The following FHIT variants were observed in gnomAD, a reference collection of about 807,000 sequenced individuals.
FHIT encodes bis(5'-adenosyl)-triphosphatase.
A neutral mutation model predicts 17.9 loss-of-function variants in FHIT; 19 were observed. The observed-to-expected ratio is 1.06, with a 90% confidence interval of 0.74 to 1.56. FHIT has a LOEUF of 1.56. FHIT is among the 40% of genes most tolerant of loss of function. The pLI, the probability that FHIT is intolerant of heterozygous loss-of-function variation, is 0.00. For missense variants in FHIT, 248 were observed against 189.2 expected, an observed-to-expected ratio of 1.31 and a Z score of -1.82; for synonymous variants, 81 against 69.7, an observed-to-expected ratio of 1.16 and a Z score of -0.81.
intron 3 of FHIT, among the ~76,000 whole-genome samples, chr3:60,829,096 T>C (rs1702227024): frequency 6.6e-6 from 1 of 152,184 alleles, no homozygotes; most frequent in African/African-American, 2.4e-5. Context: ...ATCTACTGAA[T>C]AGCTCAATTA....
At chr3:60,448,545 G>C (rs896375347) in intron 5 of FHIT, among the ~76,000 whole-genome samples, 1 of 151,740 alleles carries the variant, frequency 6.6e-6, no homozygotes, top group African/African-American at 2.4e-5. Context: ...TACGGATAAG[G>C]AAAATGAAGC....
intron 5 of FHIT, among the ~76,000 whole-genome samples, chr3:60,215,558 A>C (rs571106818): frequency 4.0e-4 from 61 of 152,090 alleles, no homozygotes; most frequent in Admixed American, 8.5e-4. Flanking sequence ...GTGGTACTCC[A>C]TCTCAAAAAA....
intron 1 of FHIT, among the ~76,000 whole-genome samples, chr3:61,215,648 A>G (rs1324176079): frequency 6.6e-6 from 1 of 152,256 alleles, no homozygotes; most frequent in Non-Finnish European, 1.5e-5. Context: ...AAACTACTTT[A>G]AAGTTCATAT....
At chr3:59,760,273 C>G (rs1367962561) in intron 8 of FHIT, among the ~76,000 whole-genome samples, 1 of 152,016 alleles carries the variant, frequency 6.6e-6, no homozygotes, top group African/African-American at 2.4e-5. Flanking sequence ...AATTTGTAAC[C>G]CCCAAAAGTA....
intron 8 of FHIT, among the ~76,000 whole-genome samples, chr3:59,879,695 A>G (rs1257320587): frequency 2.6e-5 from 4 of 152,224 alleles, no homozygotes; most frequent in African/African-American, 9.6e-5. Flanking sequence ...CACAGTCTGG[A>G]TACAAACATT....
intron 5 of FHIT, among the ~76,000 whole-genome samples, chr3:60,288,456 A>T (rs993915627): frequency 2.0e-5 from 3 of 152,142 alleles, no homozygotes; most frequent in Non-Finnish European, 4.4e-5. Flanking sequence ...CTACCTCACA[A>T]TGTTGGTGGA....
intron 7 of FHIT, among the ~76,000 whole-genome samples, chr3:59,958,730 C>T (rs1009978611): frequency 6.6e-6 from 1 of 152,152 alleles, no homozygotes; most frequent in African/African-American, 2.4e-5. Context: ...TACTCTGAAA[C>T]AGATGTCACT....
intron 2 of FHIT, among the ~76,000 whole-genome samples, chr3:61,167,631 A>C (rs1180121357): frequency 1.7e-5 from 1 of 59,668 alleles, no homozygotes; most frequent in Non-Finnish European, 3.6e-5. Flanking sequence ...TGTGTCTCAA[A>C]AAAAAAAAAA....
chr3:60,653,348 G>A (rs1259851247), intron 4 of FHIT, among the ~76,000 whole-genome samples: 4 of 152,026 alleles, frequency 2.6e-5, no homozygotes, highest in African/African-American at 2.4e-5. Flanking sequence ...TTATAAATGC[G>A]TAAGTAAAAA....
At chr3:61,169,270 G>T (rs1260807579) in intron 2 of FHIT, among the ~76,000 whole-genome samples, 2 of 152,076 alleles carry the variant, frequency 1.3e-5, no homozygotes, top group African/African-American at 4.8e-5. Context: ...TCCTACTGTG[G>T]AGAAAACAGT....
rs1004297689 is a variant in FHIT, at chr3:60,372,634, G to C, written c.103+164226C>G. On this transcript the variant is annotated intron_variant, in intron 5 of 9. Coordinates refer to ENST00000492590, the MANE Select transcript of FHIT (RefSeq NM_002012.4). ...AACAATCGAAAGCTCTTTACTTCCTGATGGCAAAAATATATAAAATTAGTG... is the reference window on the plus strand; with the variant it reads ...AACAATCGAAAGCTCTTTACTTCCTCATGGCAAAAATATATAAAATTAGTG... Among the ~76,000 whole-genome samples, 3 of 152,134 alleles carry C rather than the reference G, an allele frequency of 2.0e-5. No individual in the cohort carries two copies. In the South Asian group the frequency reaches 6.2e-4, roughly 32 times the overall value.
intron 4 of FHIT, among the ~76,000 whole-genome samples, chr3:60,699,398 A>AT (rs1427355744): frequency 6.6e-6 from 1 of 152,158 alleles, no homozygotes; most frequent in Non-Finnish European, 1.5e-5. Context: ...AGAAATATCA[A>AT]TTTTTTGGAT....
At chr3:60,285,655 A>T (rs1031790585) in intron 5 of FHIT, among the ~76,000 whole-genome samples, 2 of 152,164 alleles carry the variant, frequency 1.3e-5, no homozygotes, top group Non-Finnish European at 2.9e-5. Flanking sequence ...GGTGGGCCTA[A>T]CTTAACCAGT....
At chr3:60,492,073 T>C (rs955228175) in intron 5 of FHIT, among the ~76,000 whole-genome samples, 8 of 152,312 alleles carry the variant, frequency 5.3e-5, no homozygotes, top group African/African-American at 9.6e-5. Flanking sequence ...TAAATATTCT[T>C]GAAAATTAAT....
intron 3 of FHIT, among the ~76,000 whole-genome samples, chr3:60,949,767 T>G (rs1314574705): frequency 6.6e-6 from 1 of 152,188 alleles, no homozygotes; most frequent in African/African-American, 2.4e-5. Context: ...GCAGATTTCT[T>G]TTTTAAAAAA....
At chr3:60,370,567 C>T (rs1460373745) in intron 5 of FHIT, among the ~76,000 whole-genome samples, 3 of 152,154 alleles carry the variant, frequency 2.0e-5, no homozygotes, top group Non-Finnish European at 1.5e-5. Context: ...TGTACCTCTT[C>T]CTGAATCTGC....
At chr3:60,522,106 G>GCTT (rs1553640633) in intron 5 of FHIT, among the ~76,000 whole-genome samples, 1 of 133,324 alleles carries the variant, frequency 7.5e-6, no homozygotes. Context: ...GCAACCAGAA[G>GCTT]TTTTTTTTTT....
intron 5 of FHIT, among the ~76,000 whole-genome samples, chr3:60,219,682 T>G (rs773338146): frequency 5.9e-5 from 9 of 152,152 alleles, no homozygotes; most frequent in Admixed American, 1.3e-4. Context: ...TCATTAATCT[T>G]GGGAAAATAA....
intron 8 of FHIT, among the ~76,000 whole-genome samples, chr3:59,888,318 A>G (rs1185910291): frequency 3.3e-5 from 5 of 152,234 alleles, no homozygotes; most frequent in African/African-American, 4.8e-5. Flanking sequence ...CTTTTAAAAA[A>G]TACTCTAAAT....
Sources: gnomAD v4.1 joint callset for allele counts (sites outside exome capture counted in the v4.1 genomes callset) on GRCh38, gnomAD v4.1.1 for gene constraint, MANE v1.5 for transcripts, NCBI Gene and HGNC (gene_info 2026-07-23, HGNC 2026-07-21) for gene names.